Variants in STARD9 observed in about 807,000 individuals in gnomAD.
The protein encoded by STARD9 is StAR related lipid transfer domain containing 9.
In STARD9, 346 loss-of-function variants were observed where a neutral mutation model predicts 399.8. That is an observed-to-expected ratio of 0.87 (90% confidence interval 0.79 to 0.95). The LOEUF is 0.95. Among genes scored for constraint, STARD9 ranks in the 40% least tolerant of loss-of-function variants. The pLI is 0.00. For missense variants in STARD9, 5,832 were observed against 5,667.5 expected, an observed-to-expected ratio of 1.03 and a Z score of -0.93; for synonymous variants, 2,203 against 2,143.5, an observed-to-expected ratio of 1.03 and a Z score of -0.77.
intron 3 of STARD9, among the ~76,000 whole-genome samples, chr15:42,602,450 C>T (rs1007116525): frequency 2.6e-5 from 4 of 152,058 alleles, no homozygotes; most frequent in African/African-American, 7.2e-5. Context: ...AAGAATGAAA[C>T]GAGAGAATGA....
At chr15:42,614,167 C>T (rs1442764161) in intron 3 of STARD9, among the ~76,000 whole-genome samples, 1 of 151,728 alleles carries the variant, frequency 6.6e-6, no homozygotes, top group Non-Finnish European at 1.5e-5. Flanking sequence ...AAAAATTAGC[C>T]AGACGTGGTG....
intron 26 of STARD9, among the ~76,000 whole-genome samples, chr15:42,697,013 G>A (rs1028082740): frequency 2.0e-5 from 3 of 152,098 alleles, no homozygotes; most frequent in Non-Finnish European, 2.9e-5. Flanking sequence ...CAAATACAAC[G>A]TCATTTAACA....
At chr15:42,671,710 AAAAG>A (rs2060205853) in intron 16 of STARD9, 2 of 147,940 alleles carry the variant, frequency 1.4e-5, no homozygotes, top group Non-Finnish European at 3.0e-5. Flanking sequence ...AAAAAGGAAA[AAAAG>A]GGGTGGGGGG....
intron 3 of STARD9, among the ~76,000 whole-genome samples, chr15:42,589,256 T>C (rs755186261): frequency 6.6e-6 from 1 of 152,236 alleles, no homozygotes; most frequent in Non-Finnish European, 1.5e-5. Flanking sequence ...CTTGCTGTAT[T>C]GTCTAGGCTG....
intron 13 of STARD9, among the ~76,000 whole-genome samples, chr15:42,664,652 C>G (rs572790721): frequency 1.3e-5 from 2 of 152,172 alleles, no homozygotes; most frequent in Non-Finnish European, 2.9e-5. Flanking sequence ...CAGGTGTGGG[C>G]CAAAGTGCCC....
In STARD9 at chr15:42,685,739, T is replaced by C; in HGVS notation, c.4161T>C (p.Asp1387=). 6.5e-7 allele frequency: 1 copy of C among 1,537,472 alleles called. No individual in the cohort carries two copies. The highest frequency in any genetic ancestry group is 8.7e-7 in the Non-Finnish European group (1 of 1,146,958). Residue 1387 remains aspartate (D), a synonymous_variant, in exon 23 of 33, where the codon GAT becomes GAC. Transcript: ENST00000290607. The part of the protein sequence containing the change: ...WPNTEELKPS[D]AETVLPYSSK... ...ATACTGAGGAACTAAAGCCATCAGA[T>C]GCAGAAACGGTTCTGCCATATAGCT...
chr15:42,686,521 A>T lies in STARD9; in HGVS notation c.4943A>T (p.Asp1648Val), dbSNP rs1176839398. ...KPGLMTSSDE[D>V]FFQKNACHSN... ...GGACTGATGACTTCCTCTGATGAGG[A>T]TTTTTTCCAGAAGAACGCTTGTCAC... Residue 1648 changes from aspartate to valine, a missense_variant, in exon 23 of 33, where the codon GAT becomes GTT. By Grantham distance (152) the Asp-to-Val change is radical. Coordinates refer to ENST00000290607, the MANE Select transcript of STARD9 (RefSeq NM_020759.3). 2.0e-6 allele frequency: 3 copies of T among 1,537,602 alleles called. No homozygotes were observed. The highest frequency in any genetic ancestry group is 2.6e-6 in the Non-Finnish European group (3 of 1,147,018).
intron 12 of STARD9, 35 bp from the exon 13 acceptor site, chr15:42,663,785 C>G (rs1595729836): frequency 1.4e-6 from 2 of 1,424,196 alleles, no homozygotes. Context: ...GATGGATGGG[C>G]TGGCATGTTT....
chr15:42,699,599 T>C (rs1222313498), intron 26 of STARD9, among the ~76,000 whole-genome samples: 3 of 151,866 alleles, frequency 2.0e-5, no homozygotes, highest in Non-Finnish European at 4.4e-5. Context: ...TTCACCATGT[T>C]AGCCAGGATG....
chr15:42,699,268 T>C (rs967520713), intron 26 of STARD9, among the ~76,000 whole-genome samples: 3 of 152,084 alleles, frequency 2.0e-5, no homozygotes, highest in African/African-American at 7.2e-5. Flanking sequence ...CCAGAACTTA[T>C]TCTTCCTTTC....
At chr15:42,661,122 T>C (rs1418890876) in intron 9 of STARD9, 36 bp from the exon 10 acceptor site, 1 of 1,458,370 alleles carries the variant, frequency 6.9e-7, no homozygotes, top group East Asian at 2.5e-5. Context: ...ATACAAATCG[T>C]TCCAAATGAC....
intron 8 of STARD9, 30 bp downstream of exon 8, chr15:42,651,115 T>C (rs1395007401): frequency 2.1e-6 from 3 of 1,458,374 alleles, no homozygotes; most frequent in Non-Finnish European, 1.9e-6. Flanking sequence ...CTGTCATTCT[T>C]TTATCCTCAC....
intron 26 of STARD9, among the ~76,000 whole-genome samples, chr15:42,704,448 A>G (rs1480347519): frequency 6.6e-6 from 1 of 152,188 alleles, no homozygotes; most frequent in Non-Finnish European, 1.5e-5. Flanking sequence ...TGGGCATTGA[A>G]GAAATTGATA....
At position 42,718,187 on chromosome 15, in the gene STARD9, C is replaced by T; in HGVS notation, c.13762+8C>T. ...CCAACAGCATCAGCCTGGGTGAGCC[C>T]AGGGAAGGAAGGCTTCCATGGGGCC... On this transcript the variant is annotated splice_region_variant and intron_variant, in intron 30 of 32. Coordinates refer to ENST00000290607, the MANE Select transcript of STARD9 (RefSeq NM_020759.3). The T allele has an allele frequency of 6.5e-7, 1 of 1,535,540 alleles. No homozygotes were observed. Among genetic ancestry groups the T allele is most frequent in the Non-Finnish European group, 8.7e-7 (1 of 1,146,024 alleles).
At position 42,675,671 on chromosome 15, in the gene STARD9, C is replaced by T. The variant is rs1304276124; in HGVS notation, c.1695C>T (p.Val565=). 2.6e-6 allele frequency: 4 copies of T among 1,536,864 alleles called. No homozygotes were observed. Among genetic ancestry groups the T allele is most frequent in the Non-Finnish European group, 3.5e-6 (4 of 1,146,636 alleles). Residue 565 remains valine, a synonymous_variant, in exon 19 of 33, where the codon GTC becomes GTT. Coordinates refer to ENST00000290607, the MANE Select transcript of STARD9 (RefSeq NM_020759.3). ...TTTGTCTCTGTGCTGCAGGAGCTGT[C>T]ATAACCCTGGGGAAGGCACAGAAGT... ...TASCRLTQGA[V]ITLGKAQKFR... is the part of the protein sequence containing the mutation.
chr15:42,682,307 C>G lies in STARD9; in HGVS notation c.2269C>G (p.Arg757Gly). Residue 757 changes from arginine (R) to glycine (G), a missense_variant, in exon 22 of 33, where the codon CGG becomes GGG. Coordinates refer to ENST00000290607, the MANE Select transcript of STARD9 (RefSeq NM_020759.3). ...HLQLLRRHTLRAAERNVRRKK... is the reference protein window; with the variant it reads ...HLQLLRRHTLGAAERNVRRKK... ...GCAGCTCCTGCGGAGACACACTCTT[C>G]GGGCAGCAGAGCGGAATGTCCGGCG... The G allele has an allele frequency of 1.3e-6, 2 of 1,537,252 alleles. No homozygotes were observed. Among genetic ancestry groups the G allele is most frequent in the Non-Finnish European group, 1.7e-6 (2 of 1,146,902 alleles).
chr15:42,581,567 G>A, intron 1 of STARD9: 1 of 997,528 alleles, frequency 1.0e-6, no homozygotes, highest in Non-Finnish European at 1.5e-6. Flanking sequence ...TCCTAGGGCG[G>A]GTGGAAAAGC....
intron 20 of STARD9, among the ~76,000 whole-genome samples, chr15:42,677,318 G>A (rs2060331296): frequency 6.6e-6 from 1 of 152,208 alleles, no homozygotes; most frequent in African/African-American, 2.4e-5. Context: ...CAGCAGGCAA[G>A]TCCTCATAGG....
At position 42,682,487 on chromosome 15, in the gene STARD9, C is replaced by T; in HGVS notation, c.2449C>T (p.Pro817Ser). ...GGTCCTCAGCCCTGATGCCACAGTCCCACGGCCTCCATGTAGAAGCAAATT... is the reference window on the plus strand; with the variant it reads ...GGTCCTCAGCCCTGATGCCACAGTCTCACGGCCTCCATGTAGAAGCAAATT... ...YQVLSPDATV[P>S]RPPCRSKLTS... The change falls in exon 22 of 33, where the codon CCA becomes TCA. Residue 817 changes from proline to serine, a missense_variant. This residue lies in a region of STARD9 where 5,828 missense variants were observed against 5,651.1 expected (regional missense o/e 1.03). Coordinates refer to ENST00000290607, the MANE Select transcript of STARD9 (RefSeq NM_020759.3). 1 of 1,537,194 alleles carries T rather than the reference C, an allele frequency of 6.5e-7. No individual in the cohort carries two copies. The highest frequency in any genetic ancestry group is 8.7e-7 in the Non-Finnish European group (1 of 1,146,890).
Sources: allele counts gnomAD v4.1 joint callset (sites outside exome capture counted in the v4.1 genomes callset), GRCh38; gene constraint gnomAD v4.1.1; regional missense constraint gnomAD v4.1.1; transcripts MANE v1.5; gene names NCBI Gene and HGNC (gene_info 2026-07-23, HGNC 2026-07-21).